The following HHIPL1 variants were observed in gnomAD, a reference collection of about 807,000 sequenced individuals.
The protein encoded by HHIPL1 is HHIP like 1.
A neutral mutation model predicts 61.8 loss-of-function variants in HHIPL1; 43 were observed. That is an observed-to-expected ratio of 0.70 (90% confidence interval 0.55 to 0.90). HHIPL1 has a LOEUF of 0.90. HHIPL1 is among the 40% of genes least tolerant of loss of function. The pLI, the probability that HHIPL1 is intolerant of heterozygous loss-of-function variation, is 0.00. For missense variants in HHIPL1, 1,056 were observed against 1,157.7 expected (o/e 0.91, Z 1.28); for synonymous variants, 482 against 515.8 (o/e 0.93, Z 0.89).
chr14:99,651,587 C>T (rs570155762), intron 1 of HHIPL1, among the ~76,000 whole-genome samples: 4 of 152,252 alleles, frequency 2.6e-5, no homozygotes, highest in Non-Finnish European at 5.9e-5. Context: ...CAGTCACCTC[C>T]CACCAGGCTC....
chr14:99,637,135 AGAG>A, the HHIPL1 span, among the ~76,000 whole-genome samples: 1 of 150,284 alleles, frequency 6.7e-6, no homozygotes, highest in Non-Finnish European at 1.5e-5. Context: ...AAAGAGAGAG[AGAG>A]AAAGGGAGGC....
intron 8 of HHIPL1, among the ~76,000 whole-genome samples, chr14:99,673,831 AG>A (rs1296935548): frequency 5.1e-5 from 3 of 58,768 alleles, no homozygotes; most frequent in East Asian, 6.5e-4. Context: ...GGCGGCATGG[AG>A]GGGGGGTGCA....
At position 99,676,292 on chromosome 14, in the gene HHIPL1, G is replaced by A. The variant is rs1198901227; in HGVS notation, c.*666G>A. The A allele has an allele frequency of 6.6e-6, 1 of 152,536 alleles. No individual in the cohort carries two copies. Among genetic ancestry groups the A allele is most frequent in the Non-Finnish European group, 1.5e-5 (1 of 68,326 alleles). 9.4% of individuals were successfully genotyped at this position (152,536 alleles called of 1,614,324 possible). On this transcript the variant is annotated 3_prime_UTR_variant, in exon 9 of 9. Transcript: ENST00000330710. ...CCTGCTCAGGGAGGATGGCTGTGAG[G>A]ACTGGATGACCTCCAAGGCCGTATG...
At chr14:99,663,155 C>A in intron 6 of HHIPL1, 134 bp downstream of exon 6, 1 of 807,646 alleles carries the variant, frequency 1.2e-6, no homozygotes, top group Non-Finnish European at 1.9e-6. Context: ...GGGATGTTCC[C>A]TGGCTCCAGA....
intron 6 of HHIPL1, among the ~76,000 whole-genome samples, chr14:99,664,915 C>CT (rs113486043): frequency 0.32 from 44,733 of 141,560 alleles, 8,074 homozygotes; most frequent in East Asian, 0.43. Flanking sequence ...TTTTTTTTTT[C>CT]TTTTTTTTTT....
the HHIPL1 span, among the ~76,000 whole-genome samples, chr14:99,635,697 G>A: frequency 1.3e-5 from 2 of 152,088 alleles, no homozygotes; most frequent in Non-Finnish European, 2.9e-5. Context: ...GAGGCTGCAC[G>A]CAGGCCCACA....
the HHIPL1 span, among the ~76,000 whole-genome samples, chr14:99,631,048 T>TTTTCTTTCTTTCTTTCTTTCTTTCTTTC: frequency 1.2e-4 from 14 of 120,430 alleles, no homozygotes; most frequent in East Asian, 4.8e-4. Flanking sequence ...AGTGGCTCCA[T>TTTTCTTTCTTTCTTTCTTTCTTTCTTTC]TTTCTTTCTT....
At chr14:99,663,517 C>A (rs1347935441) in intron 6 of HHIPL1, among the ~76,000 whole-genome samples, 1 of 152,072 alleles carries the variant, frequency 6.6e-6, no homozygotes, top group Non-Finnish European at 1.5e-5. Context: ...TGGGTTTTAG[C>A]CGGCTTCTTT....
the HHIPL1 span, among the ~76,000 whole-genome samples, chr14:99,629,454 C>G: frequency 6.6e-6 from 1 of 151,846 alleles, no homozygotes; most frequent in African/African-American, 2.4e-5. Context: ...GGGGCAGGGG[C>G]GTAGGCACAG....
At chr14:99,666,380 G>A (rs564883974) in intron 6 of HHIPL1, among the ~76,000 whole-genome samples, 1 of 152,338 alleles carries the variant, frequency 6.6e-6, no homozygotes, top group East Asian at 1.9e-4. Flanking sequence ...GCATCCGCAG[G>A]GGCTCCCTGT....
chr14:99,652,336 G>A lies in HHIPL1; in HGVS notation c.368G>A (p.Arg123Gln), dbSNP rs375665592. Residue 123 changes from arginine to glutamine, a missense_variant, in exon 2 of 9, where the codon CGG becomes CAG. Transcript: ENST00000330710. ...DYCLDMWHKC[R>Q]GLFRHLSTDQ... ...TGCCTGGACATGTGGCATAAGTGCCGGGGGCTGTTCCGTCACCTGTCAACT... is the reference window on the plus strand; with the variant it reads ...TGCCTGGACATGTGGCATAAGTGCCAGGGGCTGTTCCGTCACCTGTCAACT... 1.2e-5 allele frequency: 19 copies of A among 1,614,030 alleles called. No homozygotes were observed. Among genetic ancestry groups the A allele is most frequent in the Admixed American group, 1.7e-5 (1 of 60,028 alleles).
chr14:99,661,163 G>A (rs2056145400), intron 5 of HHIPL1, among the ~76,000 whole-genome samples: 1 of 152,152 alleles, frequency 6.6e-6, no homozygotes, highest in Admixed American at 6.5e-5. Flanking sequence ...TTACAGAGGA[G>A]AAAGCTGAGG....
rs1232960162 is a variant in HHIPL1, at chr14:99,662,898, A to G, written c.1525A>G (p.Asn509Asp). ...MSGRLMSLQE[N>D]PGTGQWQYSE... ...CAGGCGTCTGATGTCCCTCCAAGAGAACCCAGGGACAGGCCAGTGGCAGTA... is the reference window on the plus strand; with the variant it reads ...CAGGCGTCTGATGTCCCTCCAAGAGGACCCAGGGACAGGCCAGTGGCAGTA... Residue 509 changes from asparagine to aspartate, a missense_variant, in exon 6 of 9, where the codon AAC (asparagine) becomes GAC (aspartate). Coordinates refer to ENST00000330710, the MANE Select transcript of HHIPL1 (RefSeq NM_001127258.3). 2 of 1,608,690 alleles carry G rather than the reference A, an allele frequency of 1.2e-6. No homozygotes were observed. The highest frequency in any genetic ancestry group is 1.1e-5 in the South Asian group (1 of 89,974).
In HHIPL1 at chr14:99,652,146, A is replaced by G. The variant is rs969575772; in HGVS notation, c.256-78A>G. On this transcript the variant is annotated intron_variant, in intron 1 of 8. Coordinates refer to ENST00000330710, the MANE Select transcript of HHIPL1 (RefSeq NM_001127258.3). ...GATCAGCAGACTGAGGCTCTGAGAG[A>G]TGGGGGACCCGCCCAAGGTAACCTT... The G allele has an allele frequency of 6.6e-5, 91 of 1,372,406 alleles. No individual in the cohort carries two copies. In the Admixed American group the frequency reaches 2.0e-3, roughly 30 times the overall value. 85.0% of individuals were successfully genotyped at this position (1,372,406 alleles called of 1,614,324 possible).
chr14:99,661,849 T>C (rs1472504756), intron 5 of HHIPL1, among the ~76,000 whole-genome samples: 1 of 152,148 alleles, frequency 6.6e-6, no homozygotes, highest in African/African-American at 2.4e-5. Flanking sequence ...GACATGAAGA[T>C]GCCTGAAGCT....
intron 1 of HHIPL1, among the ~76,000 whole-genome samples, chr14:99,650,400 G>C (rs2055907740): frequency 1.3e-5 from 2 of 152,248 alleles, no homozygotes; most frequent in African/African-American, 4.8e-5. Flanking sequence ...TGGACTCACA[G>C]GTGGGGGAGG....
At chr14:99,656,836 A>AAAGAAAGAAAGAAAGAAAGGAAGGAAGG (rs2056044534) in intron 2 of HHIPL1, among the ~76,000 whole-genome samples, 164 bp from the exon 3 acceptor site, 1 of 7,094 alleles carries the variant, frequency 1.4e-4, no homozygotes, top group African/African-American at 2.4e-4. Flanking sequence ...AGAAAGAAAG[A>AAAGAAAGAAAGAAAGAAAGGAAGGAAGG]AAGGAAGGAA....
At chr14:99,605,044 C>T in the HHIPL1 span, among the ~76,000 whole-genome samples, 1 of 152,194 alleles carries the variant, frequency 6.6e-6, no homozygotes, top group African/African-American at 2.4e-5. Context: ...GCAGCGCGGT[C>T]AGTACTCTCT....
chr14:99,637,214 A>AAGAAAGAAAGAT, the HHIPL1 span, among the ~76,000 whole-genome samples: 2 of 107,832 alleles, frequency 1.9e-5, no homozygotes, highest in South Asian at 5.8e-4. Context: ...GAAAGAAAGA[A>AAGAAAGAAAGAT]AGAAAGAAAG....
Sources: gnomAD v4.1 joint callset for allele counts (sites outside exome capture counted in the v4.1 genomes callset) on GRCh38, gnomAD v4.1.1 for gene constraint, MANE v1.5 for transcripts, NCBI Gene and HGNC (gene_info 2026-07-23, HGNC 2026-07-21) for gene names.